Variants in ATAD5 observed in about 807,000 individuals in gnomAD.
The protein encoded by ATAD5 is ATPase family AAA domain containing 5.
ATAD5 carries 58 observed loss-of-function variants against 176.9 expected under a neutral mutation model. The observed-to-expected ratio is 0.33, with a 90% CI of 0.27 to 0.41. The LOEUF is 0.41. Among genes scored for constraint, ATAD5 ranks in the 10% least tolerant of loss-of-function variants. ATAD5 has a pLI of 1.00. For synonymous variants in ATAD5, 640 were observed against 712.6 expected, an observed-to-expected ratio of 0.90 and a Z score of 1.62; for missense variants, 1,789 against 2,094.1, an observed-to-expected ratio of 0.85 and a Z score of 2.84.
chr17:30,869,794 A>G (rs758016792), intron 14 of ATAD5, 148 bp downstream of exon 14: 2 of 776,692 alleles, frequency 2.6e-6, no homozygotes, highest in Non-Finnish European at 4.0e-6. Context: ...TTTTAAAACA[A>G]ATCTGAAGAC....
chr17:30,872,687 C>T (rs1908409376), intron 14 of ATAD5, among the ~76,000 whole-genome samples: 1 of 151,964 alleles, frequency 6.6e-6, no homozygotes. Flanking sequence ...TCTTAAGTAG[C>T]TGGGATTACA....
chr17:30,876,053 C>T (rs1179497565), intron 14 of ATAD5, among the ~76,000 whole-genome samples: 3 of 151,736 alleles, frequency 2.0e-5, no homozygotes, highest in African/African-American at 4.8e-5. Context: ...AGGAGAATGG[C>T]GTGAACCCAG....
chr17:30,855,541 T>G (rs929058536), intron 7 of ATAD5, among the ~76,000 whole-genome samples: 2 of 152,036 alleles, frequency 1.3e-5, no homozygotes, highest in African/African-American at 4.8e-5. Flanking sequence ...AAGTTTCTTG[T>G]ATAAAATGGT....
intron 18 of ATAD5, among the ~76,000 whole-genome samples, chr17:30,881,986 G>A (rs145178541): frequency 3.9e-4 from 59 of 152,056 alleles, no homozygotes; most frequent in African/African-American, 1.3e-3. Context: ...TAGGCCGGGC[G>A]CAGTGGCTCA....
chr17:30,861,626 C>A (rs1907641081), intron 10 of ATAD5, among the ~76,000 whole-genome samples: 2 of 152,078 alleles, frequency 1.3e-5, no homozygotes, highest in Non-Finnish European at 2.9e-5. Flanking sequence ...ATTCTCCTGC[C>A]TCAGCCTCCT....
At chr17:30,847,479 C>T (rs186667276) in intron 6 of ATAD5, among the ~76,000 whole-genome samples, 9 of 149,436 alleles carry the variant, frequency 6.0e-5, no homozygotes, top group South Asian at 4.3e-4. Context: ...TACAGGCATC[C>T]GCCACCACGC....
rs1358576681 is a variant in ATAD5 at position 30,876,557 on chromosome 17, C to T, written c.3784+7C>T. On this transcript the variant is annotated splice_region_variant and intron_variant, in intron 15 of 22. Transcript: ENST00000321990. The stretch of plus-strand genomic sequence containing the variant: ...CTTCTGGAAAATAATAAAGGTAAGA[C>T]ATTAAATTGACAAATTTTATATTTT... 4.6e-6 allele frequency: 7 copies of T among 1,506,242 alleles called. No individual in the cohort carries two copies. The African/African-American group carries it at 5.6e-5, about 12-fold the overall frequency. The allele number at this position is 1,506,242 out of a possible 1,614,324, so 93.3% of individuals were successfully genotyped here. A position where few individuals can be genotyped will look rare whatever the true frequency, so the allele number is the denominator to read the frequency against.
intron 6 of ATAD5, among the ~76,000 whole-genome samples, chr17:30,854,198 C>CA (rs1438863637): frequency 1.5e-5 from 2 of 136,792 alleles, no homozygotes; most frequent in Non-Finnish European, 3.3e-5. Context: ...AAATCTAAAA[C>CA]AAAATTTTTA....
intron 6 of ATAD5, among the ~76,000 whole-genome samples, chr17:30,854,742 T>A (rs1907189995): frequency 6.6e-6 from 1 of 151,904 alleles, no homozygotes; most frequent in Admixed American, 6.6e-5. Context: ...TTTGTTTTGT[T>A]TTGTTTTGTT....
At chr17:30,888,249 A>G in intron 19 of ATAD5, among the ~76,000 whole-genome samples, 1 of 152,148 alleles carries the variant, frequency 6.6e-6, no homozygotes, top group East Asian at 1.9e-4. Flanking sequence ...GCACATGTCA[A>G]CTTTGTTCAT....
chr17:30,878,716 G>GT (rs1567696442), intron 17 of ATAD5, among the ~76,000 whole-genome samples: 12 of 82,602 alleles, frequency 1.5e-4, no homozygotes, highest in East Asian at 3.0e-4. Context: ...AAGTTAGGTG[G>GT]TGTTTTTTTT....
chr17:30,858,281 A>T lies in ATAD5; in HGVS notation c.2914A>T (p.Ile972Phe). Residue 972 changes from isoleucine to phenylalanine, a missense_variant, in exon 9 of 23, where the codon ATT becomes TTT. Coordinates refer to ENST00000321990, the MANE Select transcript of ATAD5 (RefSeq NM_024857.5). ...KYFPLLLKKQ[I>F]EHQVLSSECH... is the part of the protein sequence containing the mutation. ...TTTTCCCTTACTCCTAAAAAAACAAATTGAGCACCAAGTACTTTCTTCCGA... is the reference window on the plus strand; with the variant it reads ...TTTTCCCTTACTCCTAAAAAAACAATTTGAGCACCAAGTACTTTCTTCCGA... 3.8e-6 allele frequency: 6 copies of T among 1,583,616 alleles called. No individual in the cohort carries two copies. Among genetic ancestry groups the T allele is most frequent in the Non-Finnish European group, 5.2e-6 (6 of 1,164,946 alleles).
At chr17:30,866,185 A>ATTTTTT (rs542432593) in intron 11 of ATAD5, among the ~76,000 whole-genome samples, 2 of 79,230 alleles carry the variant, frequency 2.5e-5, no homozygotes, top group Non-Finnish European at 4.4e-5. Flanking sequence ...GAATTTACAA[A>ATTTTTT]TTTTTTTTTT....
At chr17:30,832,971 G>A (rs911361855) in intron 1 of ATAD5, among the ~76,000 whole-genome samples, 2 of 152,126 alleles carry the variant, frequency 1.3e-5, no homozygotes, top group African/African-American at 2.4e-5. Context: ...GGCACTAAGC[G>A]GTCATTATAA....
rs1266300966 is a variant in ATAD5, at chr17:30,894,866, G to T, written c.5488G>T (p.Asp1830Tyr). ...FLHYFEGIHL[D>Y]IPKETVNTLA... ...GCACTATTTTGAAGGAATTCATCTT[G>T]ACATTCCAAAAGAGACTGTGAATAC... is the stretch of plus-strand genomic sequence containing the variant. The change falls in exon 23 of 23, where the codon GAC becomes TAC. Residue 1830 changes from aspartate (D) to tyrosine (Y), a missense_variant. Coordinates refer to ENST00000321990, the MANE Select transcript of ATAD5 (RefSeq NM_024857.5). 1 of 1,597,634 alleles carries T rather than the reference G, an allele frequency of 6.3e-7. No individual in the cohort carries two copies. The highest frequency in any genetic ancestry group is 8.5e-7 in the Non-Finnish European group (1 of 1,175,528).
At chr17:30,890,999 A>G (rs1052543207) in intron 19 of ATAD5, among the ~76,000 whole-genome samples, 2 of 152,236 alleles carry the variant, frequency 1.3e-5, no homozygotes, top group Non-Finnish European at 2.9e-5. Context: ...ACCGTAATTT[A>G]ACCGTTACTT....
At chr17:30,870,541 A>G (rs1402102232) in intron 14 of ATAD5, among the ~76,000 whole-genome samples, 1 of 152,178 alleles carries the variant, frequency 6.6e-6, no homozygotes. Flanking sequence ...TAGATTACAA[A>G]ATGATAATTT....
At chr17:30,840,805 G>A (rs369485829) in intron 4 of ATAD5, 24 bp downstream of exon 4, 149 of 1,573,312 alleles carry the variant, frequency 9.5e-5, no homozygotes, top group Middle Eastern at 1.7e-4. Context: ...ATATCTGTTG[G>A]TATAAATTCT....
In ATAD5 at chr17:30,832,315, T is replaced by A. The variant is rs777361754; in HGVS notation, c.-33T>A. 6 of 1,526,746 alleles carry A rather than the reference T, an allele frequency of 3.9e-6. No homozygotes were observed. The highest frequency in any genetic ancestry group is 4.4e-6 in the Non-Finnish European group (5 of 1,134,396). 94.6% of individuals were successfully genotyped at this position (1,526,746 alleles called of 1,614,324 possible). On this transcript the variant is annotated 5_prime_UTR_variant, in exon 1 of 23. Transcript: ENST00000321990. ...GCAGGCCGGGCTGGACCGCGTGAGG[T>A]CCTAGGAGACGGGATTCCGGGAAGC...
Sources: gnomAD v4.1 joint callset for allele counts (sites outside exome capture counted in the v4.1 genomes callset) on GRCh38, gnomAD v4.1.1 for gene constraint, MANE v1.5 for transcripts, NCBI Gene and HGNC (gene_info 2026-07-23, HGNC 2026-07-21) for gene names.